The following ANKRD45 variants were observed in gnomAD, a reference collection of about 807,000 sequenced individuals.
The protein encoded by ANKRD45 is ankyrin repeat domain 45, also known as ankyrin repeat domain-containing protein 45.
In ANKRD45, 21 loss-of-function variants were observed where a neutral mutation model predicts 28.1. The ratio of observed to expected loss-of-function variants is 0.75; its 90% CI spans 0.53 to 1.08. The LOEUF (loss-of-function observed/expected upper bound fraction) is 1.08. Among genes scored for constraint, ANKRD45 ranks in the 50% least tolerant of loss-of-function variants. The pLI is 0.00. For missense variants in ANKRD45, 261 were observed against 308.7 expected, an observed-to-expected ratio of 0.85 and a Z score of 1.16; for synonymous variants, 86 against 103.9, an observed-to-expected ratio of 0.83 and a Z score of 1.05.
In ANKRD45 at chr1:173,615,557, A is replaced by G. The variant is rs12409623; in HGVS notation, c.731-5342T>C. ...TGTGAGTTCAATGTTAACAAAATTA[A>G]CAATAAAATTAAATAAGGTGACTTT... On this transcript the variant is annotated intron_variant, in intron 5 of 5. Transcript: ENST00000333279. 4.6e-5 allele frequency among the ~76,000 whole-genome samples: 7 copies of G among 152,292 alleles called. No individual in the cohort carries two copies. The East Asian group carries it at 1.4e-3, about 29-fold the overall frequency.
chr1:173,678,992 A>T, the ANKRD45 span, among the ~76,000 whole-genome samples: 1 of 152,174 alleles, frequency 6.6e-6, no homozygotes, highest in Non-Finnish European at 1.5e-5. Context: ...AAATTACAAC[A>T]GGTGTGAAGG....
At chr1:173,612,083 A>C (rs1667181328) in intron 5 of ANKRD45, among the ~76,000 whole-genome samples, 1 of 151,816 alleles carries the variant, frequency 6.6e-6, no homozygotes, top group African/African-American at 2.4e-5. Context: ...GTCTCTACAA[A>C]ATGTAGAAAA....
At chr1:173,688,579 GCTTCCTCTCTCTCTCTCTGCCT>G in the ANKRD45 span, among the ~76,000 whole-genome samples, 5 of 85,382 alleles carry the variant, frequency 5.9e-5, no homozygotes, top group Admixed American at 1.3e-4. Context: ...TCTCTCTGCC[GCTTCCTCTCTCTCTCTCTGCCT>G]CTTCCTCTCT....
chr1:173,657,314 G>A (rs531193096), intron 2 of ANKRD45: 18 of 323,320 alleles, frequency 5.6e-5, no homozygotes, highest in Admixed American at 2.0e-4. Flanking sequence ...TAAAAAATAC[G>A]AAAATTAGCC....
upstream of ANKRD45, among the ~76,000 whole-genome samples, chr1:173,671,346 C>A (rs1289223944): frequency 1.3e-5 from 2 of 152,068 alleles, no homozygotes; most frequent in African/African-American, 4.8e-5. Context: ...TGAGTGGGCT[C>A]AAGGATACAC....
the ANKRD45 span, among the ~76,000 whole-genome samples, chr1:173,700,502 A>C: frequency 1.3e-5 from 2 of 152,144 alleles, no homozygotes; most frequent in Non-Finnish European, 2.9e-5. Flanking sequence ...GAACAGAGGC[A>C]TCAGAAATAA....
intron 3 of ANKRD45, among the ~76,000 whole-genome samples, chr1:173,638,973 A>T (rs2102345824): frequency 6.6e-6 from 1 of 152,306 alleles, no homozygotes; most frequent in African/African-American, 2.4e-5. Flanking sequence ...GTCAAAGGAG[A>T]AAAACATAAT....
At chr1:173,622,296 G>A (rs1667740497) in intron 5 of ANKRD45, among the ~76,000 whole-genome samples, 2 of 152,068 alleles carry the variant, frequency 1.3e-5, no homozygotes, top group African/African-American at 4.8e-5. Flanking sequence ...CACAGAATTA[G>A]AATAAACTAT....
At chr1:173,683,759 G>A in the ANKRD45 span, among the ~76,000 whole-genome samples, 4 of 152,334 alleles carry the variant, frequency 2.6e-5, no homozygotes, top group South Asian at 4.1e-4. Context: ...CTGATGACAC[G>A]TGCCCAGGGC....
At chr1:173,686,890 T>A in the ANKRD45 span, among the ~76,000 whole-genome samples, 7 of 152,228 alleles carry the variant, frequency 4.6e-5, no homozygotes, top group Non-Finnish European at 8.8e-5. Context: ...GACATATTTA[T>A]CCAATTTTTA....
At chr1:173,668,029 T>C (rs546977040) in intron 1 of ANKRD45, among the ~76,000 whole-genome samples, 1 of 152,364 alleles carries the variant, frequency 6.6e-6, no homozygotes, top group Admixed American at 6.5e-5. Context: ...CATGTGAATT[T>C]ATTTTTTAAG....
the ANKRD45 span, among the ~76,000 whole-genome samples, chr1:173,680,449 A>G: frequency 1.3e-5 from 2 of 152,028 alleles, no homozygotes; most frequent in African/African-American, 4.8e-5. Context: ...ACAGAAAACC[A>G]AACACCGCGT....
At chr1:173,684,515 C>T in the ANKRD45 span, among the ~76,000 whole-genome samples, 3 of 152,164 alleles carry the variant, frequency 2.0e-5, no homozygotes, top group African/African-American at 4.8e-5. Context: ...AGAATAAGTA[C>T]ACCCATTACA....
At chr1:173,672,951 G>GCAAATGATTAAGCAC (rs1670304174), upstream of ANKRD45, among the ~76,000 whole-genome samples, 1 of 152,116 alleles carries the variant, frequency 6.6e-6, no homozygotes, top group South Asian at 2.1e-4. Context: ...AGCTTAAGCA[G>GCAAATGATTAAGCAC]CAAATGATTA....
chr1:173,685,415 T>C, the ANKRD45 span, among the ~76,000 whole-genome samples: 2 of 152,180 alleles, frequency 1.3e-5, no homozygotes, highest in Non-Finnish European at 2.9e-5. Flanking sequence ...CTCCAGGCTG[T>C]AGAATCCTGG....
chr1:173,622,903 G>A (rs1472864119), intron 5 of ANKRD45, among the ~76,000 whole-genome samples: 2 of 152,098 alleles, frequency 1.3e-5, no homozygotes, highest in East Asian at 3.9e-4. Context: ...CTATTCATCT[G>A]ACAAAGGTCT....
chr1:173,666,759 AAATTTTTTTTTTAGACAAGATCTCACTC>A (rs1317111374), intron 1 of ANKRD45, among the ~76,000 whole-genome samples: 1 of 151,968 alleles, frequency 6.6e-6, no homozygotes, highest in East Asian at 1.9e-4. Flanking sequence ...CATTTAAAAA[AAATTTTTTTTTTAGACAAGATCTCACTC>A]TGTCACCCAA....
chr1:173,712,704 A>C, the ANKRD45 span, among the ~76,000 whole-genome samples: 2 of 152,252 alleles, frequency 1.3e-5, no homozygotes, highest in Non-Finnish European at 2.9e-5. Flanking sequence ...GTAATGGAGA[A>C]AACTGGAAAT....
At chr1:173,624,983 C>T in intron 4 of ANKRD45, 58 bp from the exon 5 acceptor site, 1 of 1,555,034 alleles carries the variant, frequency 6.4e-7, no homozygotes, top group South Asian at 1.2e-5. Flanking sequence ...TAAAACTCAA[C>T]AGTATCTCTA....
Sources: gnomAD v4.1 joint callset for allele counts (sites outside exome capture counted in the v4.1 genomes callset) on GRCh38, gnomAD v4.1.1 for gene constraint, MANE v1.5 for transcripts, NCBI Gene and HGNC (gene_info 2026-07-23, HGNC 2026-07-21) for gene names.